GABRB3: variants seen among roughly 807,000 people sequenced by gnomAD.
GABRB3 encodes gamma-aminobutyric acid type A receptor subunit beta3, also known as gamma-aminobutyric acid receptor subunit beta-3.
Under a neutral mutation model 52.1 loss-of-function variants are expected in GABRB3, and 14 were observed. That is an observed-to-expected ratio of 0.27 (90% confidence interval 0.18 to 0.42). GABRB3 has a LOEUF of 0.42. GABRB3 is among the 10% of genes least tolerant of loss of function. GABRB3 has a pLI of 1.00. For missense variants in GABRB3, 307 were observed against 609.1 expected, an observed-to-expected ratio of 0.50 and a Z score of 5.22; for synonymous variants, 260 against 232.3, an observed-to-expected ratio of 1.12 and a Z score of -1.08.
intron 3 of GABRB3, among the ~76,000 whole-genome samples, chr15:26,689,529 TTCATGCCTCATTACACG>T (rs1454560446): frequency 2.0e-5 from 3 of 152,130 alleles, no homozygotes; most frequent in Non-Finnish European, 4.4e-5. Context: ...AACATTACAC[TTCATGCCTCATTACACG>T]TCATGCCTCT....
chr15:26,752,303 A>T (rs925399614), intron 3 of GABRB3, among the ~76,000 whole-genome samples: 10 of 151,386 alleles, frequency 6.6e-5, no homozygotes, highest in African/African-American at 2.4e-4. Flanking sequence ...TCACTGTGTC[A>T]CCCAGGCTGG....
At chr15:26,748,562 C>A (rs1267930589) in intron 3 of GABRB3, among the ~76,000 whole-genome samples, 2 of 152,106 alleles carry the variant, frequency 1.3e-5, no homozygotes, top group Non-Finnish European at 2.9e-5. Context: ...GTGATAGCTT[C>A]TGTTTCATTC....
At chr15:26,579,839 T>C (rs1179209588) in intron 6 of GABRB3, among the ~76,000 whole-genome samples, 1 of 152,140 alleles carries the variant, frequency 6.6e-6, no homozygotes, top group Admixed American at 6.5e-5. Context: ...CAGGAGAAGA[T>C]GACCATGTCT....
At chr15:26,733,267 T>TAC (rs34533064) in intron 3 of GABRB3, among the ~76,000 whole-genome samples, 6,628 of 152,026 alleles carry the variant, frequency 0.044, 198 homozygotes, top group Non-Finnish European at 0.063. Flanking sequence ...TACACACACA[T>TAC]ACACACACAC....
At chr15:26,626,907 G>T (rs1892718766) in intron 3 of GABRB3, among the ~76,000 whole-genome samples, 1 of 152,222 alleles carries the variant, frequency 6.6e-6, no homozygotes, top group Non-Finnish European at 1.5e-5. Context: ...TTTCAGAGTA[G>T]ACTTTGGAAG....
intron 3 of GABRB3, among the ~76,000 whole-genome samples, chr15:26,702,115 T>C (rs1030409409): frequency 6.6e-6 from 1 of 152,164 alleles, no homozygotes; most frequent in Non-Finnish European, 1.5e-5. Context: ...GAGACCTAAA[T>C]GTAAAACCTA....
chr15:26,767,908 A>G (rs1458508365), intron 3 of GABRB3, among the ~76,000 whole-genome samples: 1 of 152,162 alleles, frequency 6.6e-6, no homozygotes, highest in African/African-American at 2.4e-5. Context: ...TGTGTGTGTG[A>G]TTTTTGTACA....
intron 4 of GABRB3, among the ~76,000 whole-genome samples, chr15:26,620,758 C>T (rs890059244): frequency 2.6e-5 from 4 of 151,378 alleles, no homozygotes; most frequent in African/African-American, 9.7e-5. Flanking sequence ...GGCCTCCTCA[C>T]TGGGACTCAG....
At chr15:26,617,098 C>G (rs200453112) in intron 4 of GABRB3, among the ~76,000 whole-genome samples, 34 of 149,658 alleles carry the variant, frequency 2.3e-4, no homozygotes, top group South Asian at 6.4e-4. Flanking sequence ...AATAGCTTAC[C>G]AACCAAAAAG....
chr15:26,705,674 C>G (rs148135727), intron 3 of GABRB3, among the ~76,000 whole-genome samples: 56 of 152,198 alleles, frequency 3.7e-4, no homozygotes, highest in African/African-American at 1.3e-3. Context: ...ATAGAACATT[C>G]TAAGAGACAC....
chr15:26,718,433 TCCCGA>T (rs1341276599), intron 3 of GABRB3, among the ~76,000 whole-genome samples: 2 of 152,098 alleles, frequency 1.3e-5, no homozygotes, highest in Non-Finnish European at 2.9e-5. Context: ...GCTCTCGAAC[TCCCGA>T]CCTCAGGTGA....
chr15:26,638,653 T>A (rs912450712), intron 3 of GABRB3, among the ~76,000 whole-genome samples: 1 of 152,164 alleles, frequency 6.6e-6, no homozygotes, highest in Non-Finnish European at 1.5e-5. Flanking sequence ...CCCACCCCAG[T>A]TGCCTTGAGT....
At chr15:26,753,709 G>A (rs1456574683) in intron 3 of GABRB3, among the ~76,000 whole-genome samples, 1 of 152,222 alleles carries the variant, frequency 6.6e-6, no homozygotes, top group Non-Finnish European at 1.5e-5. Context: ...AGAACCTGAT[G>A]GAGAAGAAGC....
At chr15:26,760,634 A>T (rs565016358) in intron 3 of GABRB3, among the ~76,000 whole-genome samples, 1 of 152,316 alleles carries the variant, frequency 6.6e-6, no homozygotes, top group South Asian at 2.1e-4. Flanking sequence ...TATGATTGAA[A>T]AGTGGTTCTC....
intron 3 of GABRB3, among the ~76,000 whole-genome samples, chr15:26,745,419 G>C (rs191175223): frequency 1.3e-3 from 201 of 152,282 alleles, no homozygotes; most frequent in Non-Finnish European, 1.8e-3. Context: ...ATCAAAACCA[G>C]GAAAGTGATA....
chr15:26,565,046 A>G (rs1414646708), intron 7 of GABRB3, among the ~76,000 whole-genome samples: 1 of 152,218 alleles, frequency 6.6e-6, no homozygotes, highest in Non-Finnish European at 1.5e-5. Context: ...CTGGAGCAAT[A>G]ATACTTCGTA....
At chr15:26,595,459 T>C (rs1891364418) in intron 4 of GABRB3, among the ~76,000 whole-genome samples, 1 of 152,126 alleles carries the variant, frequency 6.6e-6, no homozygotes, top group Non-Finnish European at 1.5e-5. Flanking sequence ...TTTCCTATTG[T>C]TTTTAATATA....
intron 3 of GABRB3, among the ~76,000 whole-genome samples, chr15:26,699,480 A>G (rs1164974042): frequency 6.6e-6 from 1 of 151,642 alleles, no homozygotes; most frequent in East Asian, 1.9e-4. Context: ...ACGGAAGTAC[A>G]TCGGTGAATC....
At chr15:26,692,179 C>A (rs1888607956) in intron 3 of GABRB3, among the ~76,000 whole-genome samples, 1 of 152,196 alleles carries the variant, frequency 6.6e-6, no homozygotes, top group South Asian at 2.1e-4. Context: ...TCTTTTCTGC[C>A]ATCCAAACAT....
Sources: allele counts gnomAD v4.1 joint callset (sites outside exome capture counted in the v4.1 genomes callset), GRCh38; gene constraint gnomAD v4.1.1; transcripts MANE v1.5; gene names NCBI Gene and HGNC (gene_info 2026-07-23, HGNC 2026-07-21).